The following PAX5 variants were observed in gnomAD, a reference collection of about 807,000 sequenced individuals.
PAX5 encodes the protein paired box 5.
Under a neutral mutation model 43.7 loss-of-function variants are expected in PAX5, and 9 were observed. The observed-to-expected ratio is 0.21, with a 90% CI of 0.12 to 0.36. The LOEUF is 0.36. Among genes scored for constraint, PAX5 ranks in the 10% least tolerant of loss-of-function variants. PAX5 has a pLI of 1.00. For synonymous variants in PAX5, 228 were observed against 214.3 expected, an observed-to-expected ratio of 1.06 and a Z score of -0.56; for missense variants, 383 against 532.7, an observed-to-expected ratio of 0.72 and a Z score of 2.77.
At chr9:36,866,975 G>A (rs994400842) in intron 8 of PAX5, among the ~76,000 whole-genome samples, 6 of 148,596 alleles carry the variant, frequency 4.0e-5, no homozygotes, top group East Asian at 2.0e-4. Context: ...CAAGGCCCTC[G>A]GCTAGGGCCT....
intron 1 of PAX5, among the ~76,000 whole-genome samples, chr9:37,027,115 CT>C (rs977756343): frequency 2.0e-4 from 31 of 152,350 alleles, no homozygotes; most frequent in African/African-American, 7.2e-4. Flanking sequence ...TTCTCCGAGT[CT>C]CTGGGGCTCG....
chr9:36,965,445 G>C (rs1834341102), intron 6 of PAX5, among the ~76,000 whole-genome samples: 1 of 152,202 alleles, frequency 6.6e-6, no homozygotes, highest in Non-Finnish European at 1.5e-5. Flanking sequence ...AAACAAAGTG[G>C]CTAGAAGGTC....
At position 36,882,358 on chromosome 9, in the gene PAX5, C is replaced by T. The variant is rs1054590623; in HGVS notation, c.911-253G>A. Among the ~76,000 whole-genome samples, 1 of 152,146 alleles carries T rather than the reference C, an allele frequency of 6.6e-6. No homozygotes were observed. Among genetic ancestry groups the T allele is most frequent in the Non-Finnish European group, 1.5e-5 (1 of 68,028 alleles). The stretch of plus-strand genomic sequence containing the variant: ...AGCAAGAACAGAGTCAGGGATGTGG[C>T]CTGTTCCTGGGAAATCAGAACCCCC... On this transcript the variant is annotated intron_variant, in intron 7 of 9. Transcript: ENST00000358127. The surrounding 1 kb of genome is among the most constrained non-coding windows in gnomAD (Gnocchi z 4.4).
chr9:36,898,714 C>T (rs920100816), intron 7 of PAX5, among the ~76,000 whole-genome samples: 2 of 152,162 alleles, frequency 1.3e-5, no homozygotes, highest in African/African-American at 2.4e-5. Flanking sequence ...AGGAGGCACC[C>T]GGCGTCTTGA....
rs35505557 is a variant in PAX5 at position 36,931,850 on chromosome 9, C to CA, written c.781-8367dup. ...TGGGCAACAGAGTGAGACTCTGTCT[C>CA]AAAAAAAAAAAAAAAAAAATCATAA... is the stretch of plus-strand genomic sequence containing the variant. On this transcript the variant is annotated intron_variant, in intron 6 of 9. Coordinates refer to ENST00000358127, the MANE Select transcript of PAX5 (RefSeq NM_016734.3). Among the ~76,000 whole-genome samples, 910 of 121,258 alleles carry CA rather than the reference C, an allele frequency of 7.5e-3. 7 individuals are homozygous for CA. The highest frequency in any genetic ancestry group is 0.024 in the African/African-American group (753 of 30,852). The allele number at this position is 121,258 out of a possible 152,430, so 79.5% of individuals were successfully genotyped here.
chr9:37,031,480 A>C (rs1840977385), intron 1 of PAX5, among the ~76,000 whole-genome samples: 1 of 152,116 alleles, frequency 6.6e-6, no homozygotes, highest in Non-Finnish European at 1.5e-5. Flanking sequence ...GTCTGCCCGG[A>C]TCTAAGGACT....
At chr9:36,916,707 C>T (rs1398585561) in intron 7 of PAX5, among the ~76,000 whole-genome samples, 2 of 151,792 alleles carry the variant, frequency 1.3e-5, no homozygotes, top group African/African-American at 2.4e-5. Flanking sequence ...TTTTTTGAGA[C>T]AGAGTCTCAT....
At chr9:36,956,225 A>C (rs552042795) in intron 6 of PAX5, among the ~76,000 whole-genome samples, 2 of 152,232 alleles carry the variant, frequency 1.3e-5, no homozygotes, top group Non-Finnish European at 2.9e-5. Context: ...ATCTGTAAAA[A>C]TTTCTTGGAT....
intron 9 of PAX5, among the ~76,000 whole-genome samples, chr9:36,845,963 G>A (rs1015545096): frequency 3.3e-5 from 5 of 152,204 alleles, no homozygotes; most frequent in South Asian, 2.1e-4. Flanking sequence ...TTTACTGCTC[G>A]AAGTAGAAAA....
In PAX5 at chr9:36,836,824, C is replaced by T. The variant is rs150602480; in HGVS notation, c.*3736G>A. ...CAGCACATGACCTTGGCACCTGGAC[C>T]CCTGGAGTCAGGGCTGGACCCATGT... is the stretch of plus-strand genomic sequence containing the variant. On this transcript the variant is annotated 3_prime_UTR_variant, in exon 10 of 10. Coordinates refer to ENST00000358127, the MANE Select transcript of PAX5 (RefSeq NM_016734.3). 199 of 232,228 alleles carry T rather than the reference C, an allele frequency of 8.6e-4. 1 individual carries two copies. Among genetic ancestry groups the T allele is most frequent in the African/African-American group, 4.0e-3 (183 of 45,376 alleles). 14.4% of individuals were successfully genotyped at this position (232,228 alleles called of 1,614,324 possible).
Position 36,966,678 on chromosome 9 carries a change from T to C in PAX5, c.651A>G (p.Arg217=). The change falls in exon 6 of 10, where the codon AGA becomes AGG. Residue 217 remains arginine (R), a synonymous_variant. Transcript: ENST00000358127. ...PVPNGHSLPG[R]DFLRKQMRGD... ...CCCGCATCTGCTTCCGGAGGAAGTC[T>C]CTGCCCGGAAGCGAGTGGCCGTTCG... The C allele has an allele frequency of 6.2e-7, 1 of 1,614,222 alleles. No homozygotes were observed. Among genetic ancestry groups the C allele is most frequent in the Non-Finnish European group, 8.5e-7 (1 of 1,180,038 alleles).
intron 7 of PAX5, among the ~76,000 whole-genome samples, chr9:36,917,791 A>G (rs1829836688): frequency 6.6e-6 from 1 of 152,246 alleles, no homozygotes; most frequent in South Asian, 2.1e-4. Flanking sequence ...AAGCAAATCT[A>G]TCAGTGCCAT....
intron 5 of PAX5, among the ~76,000 whole-genome samples, chr9:36,985,566 C>T (rs893238327): frequency 1.3e-5 from 2 of 152,120 alleles, no homozygotes; most frequent in Admixed American, 6.5e-5. Context: ...ACTCAAGGTC[C>T]GAAGGGGGAG....
chr9:37,003,763 G>A (rs892794693), intron 4 of PAX5, among the ~76,000 whole-genome samples: 3 of 152,218 alleles, frequency 2.0e-5, no homozygotes, highest in African/African-American at 7.2e-5. Context: ...CTTGAGCCCA[G>A]GAAGTCGAGG....
intron 7 of PAX5, among the ~76,000 whole-genome samples, chr9:36,892,215 G>T (rs554970630): frequency 4.6e-5 from 7 of 152,346 alleles, no homozygotes; most frequent in South Asian, 2.1e-4. Context: ...CAGGAGGAAG[G>T]CAGTATTTAT....
rs1167465392 is a variant in PAX5 at position 36,930,986 on chromosome 9, A to G, written c.781-7502T>C. On this transcript the variant is annotated intron_variant, in intron 6 of 9. Coordinates refer to ENST00000358127, the MANE Select transcript of PAX5 (RefSeq NM_016734.3). ...GAGAAAAGAAACACAGACACGTGAG[A>G]AGGAGGGCAGCACAAAAGAGGGCAG... 5.2e-6 allele frequency: 3 copies of G among 571,692 alleles called. No individual in the cohort carries two copies. In the East Asian group the frequency reaches 1.7e-4, roughly 32 times the overall value. 35.4% of individuals were successfully genotyped at this position (571,692 alleles called of 1,614,324 possible). A position where few individuals can be genotyped will look rare whatever the true frequency, so the allele number is the denominator to read the frequency against.
At chr9:37,023,388 A>C (rs951960832) in intron 1 of PAX5, among the ~76,000 whole-genome samples, 1 of 152,140 alleles carries the variant, frequency 6.6e-6, no homozygotes, top group Non-Finnish European at 1.5e-5. Context: ...CCCAGCCTGT[A>C]CTTCCTATGG....
chr9:36,840,513 C>T lies in PAX5; in HGVS notation c.*47G>A. 6.5e-7 allele frequency: 1 copy of T among 1,547,360 alleles called. No homozygotes were observed. Among genetic ancestry groups the T allele is most frequent in the Non-Finnish European group, 8.8e-7 (1 of 1,142,036 alleles). On this transcript the variant is annotated 3_prime_UTR_variant, in exon 10 of 10. Transcript: ENST00000358127. ...CTTCAGGAGGGCTGGGTGGCTGTCA[C>T]CCTCAATAGGTGCCATCAGTGTTTG... is the stretch of plus-strand genomic sequence containing the variant.
Position 36,834,065 on chromosome 9 carries a change from C to T in PAX5, c.*6495G>A, listed in dbSNP as rs1821464836. On this transcript the variant is annotated 3_prime_UTR_variant, in exon 10 of 10. Transcript: ENST00000358127. ...AATGTAATCTGCATTTCTACAAATACTCAATGTCCAAGGCCACTAGAGGGT... is the reference window on the plus strand; with the variant it reads ...AATGTAATCTGCATTTCTACAAATATTCAATGTCCAAGGCCACTAGAGGGT... 1 of 233,130 alleles carries T rather than the reference C, an allele frequency of 4.3e-6. No homozygotes were observed. 14.4% of individuals were successfully genotyped at this position (233,130 alleles called of 1,614,324 possible).
Sources: gnomAD v4.1 joint callset for allele counts (sites outside exome capture counted in the v4.1 genomes callset) on GRCh38, gnomAD v4.1.1 for gene constraint, Gnocchi (gnomAD v3.1) non-coding constraint, MANE v1.5 for transcripts, NCBI Gene and HGNC (gene_info 2026-07-23, HGNC 2026-07-21) for gene names.